The following DLGAP2 variants were observed in gnomAD, a reference collection of about 807,000 sequenced individuals.
DLGAP2 encodes the protein disks large-associated protein 2.
Under a neutral mutation model 100.3 loss-of-function variants are expected in DLGAP2, and 26 were observed. The ratio of observed to expected loss-of-function variants is 0.26; its 90% CI spans 0.19 to 0.36. DLGAP2 has a LOEUF of 0.36. Among genes scored for constraint, DLGAP2 ranks in the 10% least tolerant of loss-of-function variants. DLGAP2 has a pLI of 1.00. For missense variants in DLGAP2, 1,858 were observed against 1,453.2 expected, an observed-to-expected ratio of 1.28 and a Z score of -4.53; for synonymous variants, 886 against 630.1, an observed-to-expected ratio of 1.41 and a Z score of -6.08.
At chr8:870,590 G>C (rs1585955306) in intron 1 of DLGAP2, among the ~76,000 whole-genome samples, 1 of 151,952 alleles carries the variant, frequency 6.6e-6, no homozygotes, top group South Asian at 2.1e-4. Flanking sequence ...CTGGTTCCTG[G>C]ACTCCTCAGG....
chr8:1,626,120 C>T (rs1797489179), intron 6 of DLGAP2, among the ~76,000 whole-genome samples: 1 of 147,092 alleles, frequency 6.8e-6, no homozygotes, highest in East Asian at 2.0e-4. Context: ...CGGCTGTTCC[C>T]ACCTCTGCCC....
At chr8:851,791 G>A (rs767337478) in intron 1 of DLGAP2, among the ~76,000 whole-genome samples, 2 of 152,220 alleles carry the variant, frequency 1.3e-5, no homozygotes, top group Non-Finnish European at 2.9e-5. Flanking sequence ...CCTGCTAGAT[G>A]CCAGGAACCA....
At chr8:1,270,036 T>A (rs1392097672) in intron 3 of DLGAP2, among the ~76,000 whole-genome samples, 2 of 152,224 alleles carry the variant, frequency 1.3e-5, no homozygotes, top group African/African-American at 4.8e-5. Flanking sequence ...CTTGCCCTTC[T>A]CAACATACAG....
chr8:981,080 G>A (rs1328721207), intron 2 of DLGAP2, among the ~76,000 whole-genome samples: 1 of 152,030 alleles, frequency 6.6e-6, no homozygotes, highest in East Asian at 1.9e-4. Context: ...CTGGCTTCCT[G>A]TCCCCTGCCC....
intron 2 of DLGAP2, among the ~76,000 whole-genome samples, chr8:1,206,042 A>C (rs1285537548): frequency 6.6e-6 from 1 of 152,176 alleles, no homozygotes; most frequent in East Asian, 1.9e-4. Flanking sequence ...TCAAGCAGGA[A>C]GTTCAGGGAG....
At chr8:1,531,444 T>G (rs1462336778) in intron 4 of DLGAP2, among the ~76,000 whole-genome samples, 4 of 152,190 alleles carry the variant, frequency 2.6e-5, no homozygotes, top group Non-Finnish European at 5.9e-5. Flanking sequence ...TTAGTGAGGT[T>G]AGAATTTTTT....
At position 1,478,981 on chromosome 8, in the gene DLGAP2, C is replaced by G. The variant is rs559666247; in HGVS notation, c.107-22385C>G. Reference sequence around the variant, plus strand: ...CCACATGCAACTTACAGAAAATAACCTCTGGGAACATGTTAATTTATTAGC... The same window carrying G: ...CCACATGCAACTTACAGAAAATAACGTCTGGGAACATGTTAATTTATTAGC... On this transcript the variant is annotated intron_variant, in intron 3 of 14. Coordinates refer to ENST00000637795, the MANE Select transcript of DLGAP2 (RefSeq NM_001346810.2). Among the ~76,000 whole-genome samples, 28 of 152,340 alleles carry G rather than the reference C, an allele frequency of 1.8e-4. No homozygotes were observed. The East Asian group carries it at 4.6e-3, about 25-fold the overall frequency.
chr8:1,175,556 G>C (rs1797234660), intron 2 of DLGAP2, among the ~76,000 whole-genome samples: 1 of 152,184 alleles, frequency 6.6e-6, no homozygotes. Flanking sequence ...TTGTGTTCTA[G>C]CTCTATATGC....
At chr8:1,179,305 C>T (rs1188827799) in intron 2 of DLGAP2, among the ~76,000 whole-genome samples, 1 of 152,224 alleles carries the variant, frequency 6.6e-6, no homozygotes, top group Non-Finnish European at 1.5e-5. Context: ...CATTCCCCCA[C>T]CCCCCATTTT....
chr8:1,445,027 C>A (rs1250084685), intron 3 of DLGAP2, among the ~76,000 whole-genome samples: 1 of 151,042 alleles, frequency 6.6e-6, no homozygotes, highest in African/African-American at 2.4e-5. Context: ...ACCTCGGCCT[C>A]CCAAAGTGCT....
chr8:1,277,382 A>T (rs1379284107), intron 3 of DLGAP2, among the ~76,000 whole-genome samples: 1 of 152,198 alleles, frequency 6.6e-6, no homozygotes, highest in African/African-American at 2.4e-5. Context: ...AGCACTAAGG[A>T]TGCAGAAATT....
At chr8:1,429,864 C>G (rs1797361354) in intron 3 of DLGAP2, among the ~76,000 whole-genome samples, 2 of 150,652 alleles carry the variant, frequency 1.3e-5, no homozygotes, top group Admixed American at 6.6e-5. Context: ...CCAAGGTGAT[C>G]TGGCCATTCA....
intron 2 of DLGAP2, among the ~76,000 whole-genome samples, chr8:1,017,770 A>C (rs1033501990): frequency 4.6e-5 from 7 of 152,064 alleles, no homozygotes; most frequent in Non-Finnish European, 8.8e-5. Context: ...GGGCGGGTAG[A>C]CTCGTCTGAG....
chr8:1,495,930 G>C (rs1404124961), intron 3 of DLGAP2, among the ~76,000 whole-genome samples: 2 of 152,192 alleles, frequency 1.3e-5, no homozygotes, highest in Non-Finnish European at 2.9e-5. Context: ...GAGAGCCTCT[G>C]ACAGCCAAGG....
At chr8:1,200,007 C>T (rs1309503578) in intron 2 of DLGAP2, among the ~76,000 whole-genome samples, 1 of 152,052 alleles carries the variant, frequency 6.6e-6, no homozygotes, top group African/African-American at 2.4e-5. Flanking sequence ...GGGGTCCCAT[C>T]CTGTGGAAAA....
intron 2 of DLGAP2, among the ~76,000 whole-genome samples, chr8:973,172 C>T (rs981856013): frequency 2.0e-5 from 3 of 152,170 alleles, no homozygotes; most frequent in African/African-American, 4.8e-5. Flanking sequence ...AGAGGGGCTC[C>T]TCACTTCCCA....
chr8:1,512,629 A>G (rs1319145681), intron 4 of DLGAP2, among the ~76,000 whole-genome samples: 2 of 152,070 alleles, frequency 1.3e-5, no homozygotes, highest in African/African-American at 4.8e-5. Context: ...AAAAGCAAAC[A>G]ACATGGCAGT....
intron 2 of DLGAP2, among the ~76,000 whole-genome samples, chr8:1,027,561 C>T (rs1335009855): frequency 3.0e-4 from 40 of 133,484 alleles, no homozygotes; most frequent in Middle Eastern, 4.9e-3. Flanking sequence ...AGGTGGGGTG[C>T]CAAGCGCCCG....
intron 2 of DLGAP2, among the ~76,000 whole-genome samples, chr8:1,097,204 G>T (rs1222106201): frequency 7.6e-6 from 1 of 130,814 alleles, no homozygotes; most frequent in Non-Finnish European, 1.6e-5. Context: ...CGAGCTGGGA[G>T]CCTAGGGCAG....
Sources: allele counts gnomAD v4.1 joint callset (sites outside exome capture counted in the v4.1 genomes callset), GRCh38; gene constraint gnomAD v4.1.1; transcripts MANE v1.5; gene names NCBI Gene and HGNC (gene_info 2026-07-23, HGNC 2026-07-21).